BEST2: variants seen among roughly 807,000 people sequenced by gnomAD.
BEST2 encodes the protein bestrophin 2.
Under a neutral mutation model 49.0 loss-of-function variants are expected in BEST2, and 36 were observed. That is an observed-to-expected ratio of 0.73 (90% CI 0.56 to 0.97). BEST2 has a LOEUF of 0.97. BEST2 is among the 50% of genes least tolerant of loss of function. The pLI, the probability that BEST2 is intolerant of heterozygous loss-of-function variation, is 0.00. For missense variants in BEST2, 672 were observed against 710.0 expected (o/e 0.95, Z 0.61); for synonymous variants, 335 against 304.4 (o/e 1.10, Z -1.05).
At position 12,752,679 on chromosome 19, in the gene BEST2, C is replaced by A; in HGVS notation, c.87C>A (p.Tyr29Ter). 6.2e-7 allele frequency: 1 copy of A among 1,607,388 alleles called. No homozygotes were observed. Among genetic ancestry groups the A allele is most frequent in the Non-Finnish European group, 8.5e-7 (1 of 1,177,690 alleles). The change falls in exon 2 of 10, where the codon TAC becomes TAA. Residue 29 changes from tyrosine to a stop codon, truncating the protein, a stop_gained. Coordinates refer to ENST00000553030, the MANE Select transcript of BEST2 (RefSeq NM_017682.3). LOFTEE classifies it high-confidence loss of function. ...QLLLLWRGSIYKLLWRELLCF... is the reference protein window; with the variant it reads ...QLLLLWRGSI ...TGCTACTGTGGCGTGGGAGCATCTA[C>A]AAACTCCTGTGGCGAGAGCTGCTCT...
At position 12,758,139 on chromosome 19, in the gene BEST2, T is replaced by C. The variant is rs1967969379; in HGVS notation, c.*62T>C. The C allele has an allele frequency of 6.4e-7, 1 of 1,552,934 alleles. No homozygotes were observed. Among genetic ancestry groups the C allele is most frequent in the Non-Finnish European group, 8.7e-7 (1 of 1,144,346 alleles). On this transcript the variant is annotated 3_prime_UTR_variant, in exon 10 of 10. Transcript: ENST00000553030. ...GGTCCCTGCACGGCACCCACGCAGGTGTCCCGGTCTGCATAAGCCTCGTGT... is the reference window on the plus strand; with the variant it reads ...GGTCCCTGCACGGCACCCACGCAGGCGTCCCGGTCTGCATAAGCCTCGTGT...
intron 9 of BEST2, chr19:12,756,581 C>T (rs7249997): frequency 0.03 from 12,481 of 420,838 alleles, 675 homozygotes; most frequent in African/African-American, 0.16. Flanking sequence ...CACTGGCTCA[C>T]GCCTGTAATC....
Position 12,753,348 on chromosome 19 carries a change from G to T in BEST2, c.241G>T (p.Val81Leu), listed in dbSNP as rs746437107. Residue 81 changes from valine to leucine, a missense_variant, in exon 3 of 10, where the codon GTG becomes TTG. Physicochemically the swap from Val to Leu is conservative, Grantham distance 32. Transcript: ENST00000553030. ...QYASLIPVSF[V>L]LGFYVTLVVN... ...TGCCAGCCTCATCCCTGTCTCCTTC[G>T]TGCTTGGTGCGGTCCAACCCCAAGT... The T allele has an allele frequency of 4.3e-6, 7 of 1,613,984 alleles. No homozygotes were observed. Among genetic ancestry groups the T allele is most frequent in the Non-Finnish European group, 5.9e-6 (7 of 1,179,934 alleles).
intron 8 of BEST2, 47 bp from the exon 9 acceptor site, chr19:12,756,094 G>C (rs367629890): frequency 6.8e-6 from 11 of 1,611,382 alleles, no homozygotes; most frequent in South Asian, 4.4e-5. Context: ...CTGTGGTCCC[G>C]GCGGGTTGCC....
chr19:12,755,046 G>A lies in BEST2; in HGVS notation c.636+15G>A, dbSNP rs1211748760. 6.3e-7 allele frequency: 1 copy of A among 1,589,030 alleles called. No homozygotes were observed. Among genetic ancestry groups the A allele is most frequent in the South Asian group, 1.1e-5 (1 of 87,592 alleles). ...TGCTGCTCGAGGTGGGCCCAACCAG[G>A]AGGTCATTCATATAGAATACCAGGG... On this transcript the variant is annotated intron_variant, in intron 5 of 9. Transcript: ENST00000553030. This position sits in a 1 kb window ranked among gnomAD's most constrained non-coding sequence, Gnocchi z 4.4.
intron 2 of BEST2, 147 bp downstream of exon 2, chr19:12,752,891 C>A: frequency 3.0e-6 from 2 of 659,446 alleles, no homozygotes; most frequent in Non-Finnish European, 4.1e-6. Context: ...CTCTGTCACC[C>A]AGGCTGGAGT....
chr19:12,754,441 G>T, intron 3 of BEST2, 111 bp from the exon 4 acceptor site: 1 of 943,404 alleles, frequency 1.1e-6, no homozygotes, highest in Non-Finnish European at 1.5e-6. Context: ...TGGCCAGCAC[G>T]CTCGGGTTTC....
intron 1 of BEST2, 145 bp from the exon 2 acceptor site, chr19:12,752,397 G>A: frequency 1.9e-6 from 1 of 539,232 alleles, no homozygotes; most frequent in Non-Finnish European, 3.3e-6. Flanking sequence ...GGTCAGGGAG[G>A]GGCACTGGGG....
At position 12,753,354 on chromosome 19, in the gene BEST2, G is replaced by T. The variant is rs1967894975; in HGVS notation, c.247G>T (p.Gly83Cys). 1 of 1,613,852 alleles carries T rather than the reference G, an allele frequency of 6.2e-7. No homozygotes were observed. Among genetic ancestry groups the T allele is most frequent in the Non-Finnish European group, 8.5e-7 (1 of 1,179,918 alleles). Reference sequence around the variant, plus strand: ...CCTCATCCCTGTCTCCTTCGTGCTTGGTGCGGTCCAACCCCAAGTCCCCCG... The same window carrying T: ...CCTCATCCCTGTCTCCTTCGTGCTTTGTGCGGTCCAACCCCAAGTCCCCCG... ...ASLIPVSFVLGFYVTLVVNRW... is the reference protein window; with the variant it reads ...ASLIPVSFVLCFYVTLVVNRW... The change falls in exon 3 of 10, where the codon GGC becomes TGC. Residue 83 changes from glycine (G) to cysteine (C), a missense_variant and splice_region_variant. By Grantham distance (159) the Gly-to-Cys change is radical (BLOSUM62 -3). This residue lies in a region of BEST2 where 365 missense variants were observed against 390.9 expected (regional missense o/e 0.93). Coordinates refer to ENST00000553030, the MANE Select transcript of BEST2 (RefSeq NM_017682.3).
intron 8 of BEST2, 93 bp from the exon 9 acceptor site, chr19:12,756,048 C>T: frequency 1.3e-6 from 2 of 1,596,096 alleles, no homozygotes; most frequent in Non-Finnish European, 1.7e-6. Flanking sequence ...AACCATCCTT[C>T]CCTCTGTGGT....
rs562622793 is a variant in BEST2 at position 12,757,855 on chromosome 19, G to T, written c.1308G>T (p.Ala436=). The T allele has an allele frequency of 4.5e-6, 7 of 1,549,248 alleles. No individual in the cohort carries two copies. In the South Asian group the frequency reaches 5.9e-5, roughly 13 times the overall value. Residue 436 remains alanine (A), a synonymous_variant, in exon 10 of 10, where the codon GCG becomes GCT. Coordinates refer to ENST00000553030, the MANE Select transcript of BEST2 (RefSeq NM_017682.3). ...EASTGASCSC[A]VVPEGAAPEC... ...CTACTGGGGCCAGCTGCTCATGCGCGGTTGTCCCCGAAGGCGCGGCCCCGG... is the reference window on the plus strand; with the variant it reads ...CTACTGGGGCCAGCTGCTCATGCGCTGTTGTCCCCGAAGGCGCGGCCCCGG...
Position 12,752,746 on chromosome 19 carries a change from T to C in BEST2, c.152+2T>C, listed in dbSNP as rs1568351945. 6.2e-7 allele frequency: 1 copy of C among 1,610,214 alleles called. No homozygotes were observed. Among genetic ancestry groups the C allele is most frequent in the East Asian group, 2.2e-5 (1 of 44,814 alleles). ...CATGGCGCTGAGTGCTGCCTACCGG[T>C]GAGGCTGCCCTGAGGTGCTCATGTT... On this transcript the variant is annotated splice_donor_variant, in intron 2 of 9. Coordinates refer to ENST00000553030, the MANE Select transcript of BEST2 (RefSeq NM_017682.3). LOFTEE classifies it high-confidence loss of function.
intron 9 of BEST2, among the ~76,000 whole-genome samples, chr19:12,757,086 T>A (rs1967953864): frequency 6.6e-6 from 1 of 152,068 alleles, no homozygotes; most frequent in Admixed American, 6.6e-5. Flanking sequence ...GAGGTTGCAG[T>A]GAGCCGAGAT....
intron 3 of BEST2, among the ~76,000 whole-genome samples, chr19:12,753,640 C>T (rs2145703177): frequency 6.6e-6 from 1 of 152,168 alleles, no homozygotes; most frequent in African/African-American, 2.4e-5. Flanking sequence ...GGGATTCTCA[C>T]CAGTGTCTGT....
In BEST2 at chr19:12,755,882, G is replaced by A. The variant is rs951262138; in HGVS notation, c.895G>A (p.Gly299Arg). ...AGCTGAGCAGCTCATCAACCCCTTC[G>A]GAGAGGACGATGATGACTTTGAGAC... ...KVAEQLINPF[G>R]EDDDDFETNF... The change falls in exon 8 of 10, where the codon GGA becomes AGA. Residue 299 changes from glycine (G) to arginine (R), a missense_variant. Physicochemically the swap from Gly to Arg is moderately radical, Grantham distance 125. This residue lies in a region of BEST2 where 16 missense variants were observed against 39.3 expected (regional missense o/e 0.41). Coordinates refer to ENST00000553030, the MANE Select transcript of BEST2 (RefSeq NM_017682.3). This position sits in a 1 kb window ranked among gnomAD's most constrained non-coding sequence, Gnocchi z 4.4. 6.2e-7 allele frequency: 1 copy of A among 1,614,178 alleles called. No homozygotes were observed. The highest frequency in any genetic ancestry group is 8.5e-7 in the Non-Finnish European group (1 of 1,180,034).
At position 12,755,679 on chromosome 19, in the gene BEST2, C is replaced by A; in HGVS notation, c.779C>A (p.Pro260Gln). 1 of 1,614,114 alleles carries A rather than the reference C, an allele frequency of 6.2e-7. No homozygotes were observed. The highest frequency in any genetic ancestry group is 8.5e-7 in the Non-Finnish European group (1 of 1,180,036). ...ACLIGRQFLD[P>Q]AQGYKDHDLD... ...CTCATTGGTCGCCAGTTCCTGGACCCGGCTCAGGGTTACAAAGACCACGAC... is the reference window on the plus strand; with the variant it reads ...CTCATTGGTCGCCAGTTCCTGGACCAGGCTCAGGGTTACAAAGACCACGAC... Residue 260 changes from proline to glutamine, a missense_variant, in exon 7 of 10, where the codon CCG (proline) becomes CAG (glutamine). Transcript: ENST00000553030. The surrounding 1 kb of genome is among the most constrained non-coding windows in gnomAD (Gnocchi z 4.4).
chr19:12,753,210 G>C, intron 2 of BEST2, 50 bp from the exon 3 acceptor site: 1 of 1,581,034 alleles, frequency 6.3e-7, no homozygotes, highest in South Asian at 1.1e-5. Flanking sequence ...ATCTGAAGCT[G>C]GGGATGGAGT....
intron 2 of BEST2, 69 bp from the exon 3 acceptor site, chr19:12,753,191 G>A: frequency 2.6e-6 from 4 of 1,533,808 alleles, no homozygotes; most frequent in Non-Finnish European, 3.6e-6. Flanking sequence ...GAGGGGCACA[G>A]CAAGAGAGAT....
chr19:12,754,062 C>CT (rs36076549), intron 3 of BEST2, among the ~76,000 whole-genome samples: 13,715 of 54,402 alleles, frequency 0.25, 5,489 homozygotes, highest in Non-Finnish European at 0.38. Flanking sequence ...GCTGCTCTGC[C>CT]TTTTTTTTTT....
Sources: gnomAD v4.1 joint callset for allele counts (sites outside exome capture counted in the v4.1 genomes callset) on GRCh38, gnomAD v4.1.1 for gene constraint, gnomAD v4.1.1 regional missense constraint, Gnocchi (gnomAD v3.1) non-coding constraint, MANE v1.5 for transcripts, NCBI Gene and HGNC (gene_info 2026-07-23, HGNC 2026-07-21) for gene names.